The following UEVLD variants were observed in gnomAD, a reference collection of about 807,000 sequenced individuals.
The protein encoded by UEVLD is ubiquitin-conjugating enzyme E2 variant 3.
A neutral mutation model predicts 58.6 loss-of-function variants in UEVLD; 47 were observed. The observed-to-expected ratio is 0.80, with a 90% CI of 0.63 to 1.02. UEVLD has a LOEUF of 1.02. Ranked by LOEUF, UEVLD falls within the 50% of genes least tolerant of loss-of-function variation. UEVLD has a pLI of 0.00. For synonymous variants in UEVLD, 197 were observed against 195.3 expected (o/e 1.01, Z -0.07); for missense variants, 510 against 550.6 (o/e 0.93, Z 0.74).
At chr11:18,587,436 C>G (rs1208274580) in intron 1 of UEVLD, among the ~76,000 whole-genome samples, 1 of 152,140 alleles carries the variant, frequency 6.6e-6, no homozygotes, top group African/African-American at 2.4e-5. Context: ...ACTGCCCCAA[C>G]AAAGAAAGAG....
chr11:18,537,808 G>A (rs1032447293), intron 9 of UEVLD, among the ~76,000 whole-genome samples: 4 of 151,298 alleles, frequency 2.6e-5, no homozygotes, highest in African/African-American at 9.7e-5. Context: ...GATTACAGGT[G>A]CCTGCCACCA....
chr11:18,585,501 C>G (rs1056022489), intron 1 of UEVLD, among the ~76,000 whole-genome samples: 5 of 152,162 alleles, frequency 3.3e-5, no homozygotes, highest in African/African-American at 1.2e-4. Flanking sequence ...TGTGTGACTA[C>G]GATTCTAAGC....
At chr11:18,558,124 A>G (rs1287256133) in intron 7 of UEVLD, 104 bp downstream of exon 7, 1 of 700,236 alleles carries the variant, frequency 1.4e-6, no homozygotes, top group Non-Finnish European at 2.2e-6. Flanking sequence ...GTAAAATGAG[A>G]GACTTGGACA....
rs1455132301 is a variant in UEVLD, at chr11:18,530,235, A to C, written c.*2085T>G. 6.6e-6 allele frequency: 1 copy of C among 152,238 alleles called. No homozygotes were observed. Among genetic ancestry groups the C allele is most frequent in the Non-Finnish European group, 1.5e-5 (1 of 68,034 alleles). The allele number at this position is 152,238 out of a possible 1,614,324, so 9.4% of individuals were successfully genotyped here. ...TCATAAAAAAGGACAGTAAGAATAC[A>C]TTGTTAGAGTAACATGAACTAATTC... On this transcript the variant is annotated 3_prime_UTR_variant, in exon 12 of 12. Transcript: ENST00000396197.
intron 8 of UEVLD, among the ~76,000 whole-genome samples, chr11:18,546,225 A>C (rs931209684): frequency 1.3e-5 from 2 of 152,226 alleles, no homozygotes; most frequent in Admixed American, 6.5e-5. Context: ...CATTTTTGAT[A>C]CTTCAGAATT....
intron 6 of UEVLD, among the ~76,000 whole-genome samples, chr11:18,558,970 G>C (rs952612384): frequency 6.6e-6 from 1 of 151,048 alleles, no homozygotes; most frequent in African/African-American, 2.4e-5. Flanking sequence ...TGCCTCCTGG[G>C]TTCAAGTGAT....
At chr11:18,549,275 G>T (rs1161601390) in intron 7 of UEVLD, among the ~76,000 whole-genome samples, 4 of 152,180 alleles carry the variant, frequency 2.6e-5, no homozygotes, top group African/African-American at 9.7e-5. Context: ...TCCATATTAT[G>T]AAATATTAGT....
intron 1 of UEVLD, 88 bp from the exon 2 acceptor site, chr11:18,578,896 C>G: frequency 1.1e-6 from 1 of 880,306 alleles, no homozygotes; most frequent in Non-Finnish European, 1.7e-6. Context: ...GAGACGGAGT[C>G]TCACTCTGTT....
chr11:18,549,567 C>T (rs1224615555), intron 7 of UEVLD, among the ~76,000 whole-genome samples: 5 of 151,758 alleles, frequency 3.3e-5, no homozygotes, highest in African/African-American at 9.7e-5. Context: ...TACAGGTGCC[C>T]GCCACTGAGC....
chr11:18,575,881 G>A (rs146657105), intron 2 of UEVLD, among the ~76,000 whole-genome samples: 140 of 152,212 alleles, frequency 9.2e-4, no homozygotes, highest in East Asian at 2.9e-3. Context: ...CTCTCACCTC[G>A]GTGTCAACAC....
Position 18,558,343 on chromosome 11 carries a change from A to C in UEVLD, c.613-13T>G. 1 of 1,560,110 alleles carries C rather than the reference A, an allele frequency of 6.4e-7. No homozygotes were observed. The highest frequency in any genetic ancestry group is 8.8e-7 in the Non-Finnish European group (1 of 1,142,124). ...TGTCTGCAATACCCTGTACAGTAAG[A>C]GAAAGAACATTACACTGAACATGGC... On this transcript the variant is annotated splice_polypyrimidine_tract_variant and intron_variant, in intron 6 of 11. Coordinates refer to ENST00000396197, the MANE Select transcript of UEVLD (RefSeq NM_001040697.4).
intron 1 of UEVLD, chr11:18,587,529 G>A (rs1490496306): frequency 2.6e-5 from 4 of 152,174 alleles, no homozygotes; most frequent in Non-Finnish European, 5.9e-5. Flanking sequence ...AAGGCCGGGT[G>A]CGGTGGTTCA....
rs773151385 is a variant in UEVLD at position 18,566,321 on chromosome 11, A to G, written c.493+26T>C. On this transcript the variant is annotated intron_variant, in intron 5 of 11. Coordinates refer to ENST00000396197, the MANE Select transcript of UEVLD (RefSeq NM_001040697.4). ...AAACTGGTAACTCATAACTCTCAAG[A>G]TAATCTGCCTGACAAATATACAAAC... 9 of 1,612,880 alleles carry G rather than the reference A, an allele frequency of 5.6e-6. 1 individual carries two copies. In the South Asian group the frequency reaches 9.9e-5, roughly 18 times the overall value.
chr11:18,584,080 G>A (rs1853411830), intron 1 of UEVLD, among the ~76,000 whole-genome samples: 1 of 152,102 alleles, frequency 6.6e-6, no homozygotes, highest in Non-Finnish European at 1.5e-5. Context: ...TAATATAAAC[G>A]AAGGAATATA....
At chr11:18,565,452 GA>G (rs1279585754) in intron 5 of UEVLD, among the ~76,000 whole-genome samples, 1 of 152,114 alleles carries the variant, frequency 6.6e-6, no homozygotes, top group Non-Finnish European at 1.5e-5. Flanking sequence ...TACATATCAT[GA>G]AAAAAAGTTT....
At chr11:18,546,399 T>C (rs759705100) in intron 8 of UEVLD, among the ~76,000 whole-genome samples, 1 of 152,228 alleles carries the variant, frequency 6.6e-6, no homozygotes, top group Non-Finnish European at 1.5e-5. Flanking sequence ...AAGTAACTGG[T>C]TGCCAGAATA....
intron 8 of UEVLD, among the ~76,000 whole-genome samples, chr11:18,546,052 A>C (rs147609037): frequency 1.3e-5 from 2 of 152,324 alleles, no homozygotes; most frequent in Non-Finnish European, 2.9e-5. Context: ...AAACAACTGA[A>C]ATGCATACAA....
At chr11:18,580,442 C>T (rs1471877023) in intron 1 of UEVLD, among the ~76,000 whole-genome samples, 1 of 151,464 alleles carries the variant, frequency 6.6e-6, no homozygotes, top group African/African-American at 2.4e-5. Flanking sequence ...TCATAATAGC[C>T]AAAAAGTGAA....
chr11:18,541,276 A>G (rs1851041387), intron 9 of UEVLD, among the ~76,000 whole-genome samples: 1 of 152,242 alleles, frequency 6.6e-6, no homozygotes, highest in African/African-American at 2.4e-5. Context: ...GTTAAAAAGA[A>G]TGAATGAGCT....
Sources: gnomAD v4.1 joint callset for allele counts (sites outside exome capture counted in the v4.1 genomes callset) on GRCh38, gnomAD v4.1.1 for gene constraint, MANE v1.5 for transcripts, NCBI Gene and HGNC (gene_info 2026-07-23, HGNC 2026-07-21) for gene names.